The following ATF7IP2 variants were observed in gnomAD, a reference collection of about 807,000 sequenced individuals.
ATF7IP2 encodes activating transcription factor 7-interacting protein 2.
In ATF7IP2, 42 loss-of-function variants were observed where a neutral mutation model predicts 64.2. The observed-to-expected ratio is 0.65, with a 90% CI of 0.51 to 0.85. ATF7IP2 has a LOEUF of 0.85. ATF7IP2 is among the 40% of genes least tolerant of loss of function. The pLI is 0.00. For missense variants in ATF7IP2, 933 were observed against 784.2 expected (o/e 1.19, Z -2.27); for synonymous variants, 308 against 272.8 (o/e 1.13, Z -1.27).
rs1007003746 is a variant in ATF7IP2 at position 10,482,440 on chromosome 16, A to G, written c.*191A>G. 1.3e-4 allele frequency: 66 copies of G among 501,506 alleles called. No homozygotes were observed. The highest frequency in any genetic ancestry group is 1.1e-3 in the African/African-American group (54 of 50,916). The allele number at this position is 501,506 out of a possible 1,614,324, so 31.1% of individuals were successfully genotyped here. On this transcript the variant is annotated 3_prime_UTR_variant, in exon 14 of 14. Coordinates refer to ENST00000562102, the MANE Select transcript of ATF7IP2 (RefSeq NM_001393719.1). Reference sequence around the variant, plus strand: ...TGGTTTGTATTAAATATGTCCTTCCAATGGATAAGTTCTAAAACATACGCT... The same window carrying G: ...TGGTTTGTATTAAATATGTCCTTCCGATGGATAAGTTCTAAAACATACGCT...
intron 8 of ATF7IP2, among the ~76,000 whole-genome samples, chr16:10,456,626 G>A (rs1242057078): frequency 6.6e-6 from 1 of 152,146 alleles, no homozygotes; most frequent in Non-Finnish European, 1.5e-5. Flanking sequence ...TCAATCCCCA[G>A]TGCCATTGGG....
intron 9 of ATF7IP2, among the ~76,000 whole-genome samples, chr16:10,469,907 G>A (rs1038062668): frequency 6.2e-5 from 9 of 144,682 alleles, no homozygotes; most frequent in African/African-American, 1.6e-4. Context: ...AAAAAAAAAA[G>A]TCCATTCAGA....
intron 1 of ATF7IP2, among the ~76,000 whole-genome samples, chr16:10,408,158 C>T (rs954252811): frequency 6.6e-6 from 1 of 152,144 alleles, no homozygotes; most frequent in African/African-American, 2.4e-5. Context: ...GATCCACCTG[C>T]CTTGGCCTCC....
intron 3 of ATF7IP2, among the ~76,000 whole-genome samples, chr16:10,420,189 C>T (rs578225702): frequency 1.2e-4 from 19 of 152,162 alleles, no homozygotes; most frequent in Non-Finnish European, 2.1e-4. Flanking sequence ...TAGCCTGGGG[C>T]ATTGTCCATT....
chr16:10,423,924 A>T (rs892767620), intron 3 of ATF7IP2, among the ~76,000 whole-genome samples: 2 of 152,212 alleles, frequency 1.3e-5, no homozygotes, highest in African/African-American at 2.4e-5. Flanking sequence ...TTGTTCCGGC[A>T]CACGCATAGA....
At chr16:10,461,876 A>C (rs1423813541) in intron 9 of ATF7IP2, among the ~76,000 whole-genome samples, 1 of 152,128 alleles carries the variant, frequency 6.6e-6, no homozygotes, top group Non-Finnish European at 1.5e-5. Context: ...ATTATCTTTT[A>C]ATCAGAAAAA....
chr16:10,462,347 T>C (rs1217570168), intron 9 of ATF7IP2, among the ~76,000 whole-genome samples: 1 of 152,102 alleles, frequency 6.6e-6, no homozygotes, highest in African/African-American at 2.4e-5. Flanking sequence ...CATTTTTTTT[T>C]CCACAAGAAG....
At chr16:10,430,243 GT>G (rs895832276) in intron 4 of ATF7IP2, among the ~76,000 whole-genome samples, 5 of 152,020 alleles carry the variant, frequency 3.3e-5, no homozygotes, top group African/African-American at 9.6e-5. Flanking sequence ...ACTTTTTTTT[GT>G]TTTTATGAAT....
intron 8 of ATF7IP2, among the ~76,000 whole-genome samples, chr16:10,456,083 A>G (rs1321619577): frequency 1.3e-5 from 2 of 151,910 alleles, no homozygotes; most frequent in Non-Finnish European, 2.9e-5. Context: ...GGGTTCAATC[A>G]ATTCTCGTGC....
At chr16:10,474,247 T>A (rs2049920856) in intron 12 of ATF7IP2, among the ~76,000 whole-genome samples, 1 of 152,230 alleles carries the variant, frequency 6.6e-6, no homozygotes, top group Non-Finnish European at 1.5e-5. Flanking sequence ...CTATAATTGT[T>A]ATTTCACAAA....
chr16:10,467,132 T>C (rs926466763), intron 9 of ATF7IP2, among the ~76,000 whole-genome samples: 1 of 152,200 alleles, frequency 6.6e-6, no homozygotes. Flanking sequence ...GTAAGGCTCC[T>C]TCTACCTCTA....
intron 9 of ATF7IP2, among the ~76,000 whole-genome samples, chr16:10,468,050 T>G (rs1477905791): frequency 6.6e-6 from 1 of 151,638 alleles, no homozygotes; most frequent in Non-Finnish European, 1.5e-5. Flanking sequence ...CGACTAATTT[T>G]GTATTTTTTA....
intron 4 of ATF7IP2, among the ~76,000 whole-genome samples, chr16:10,429,459 G>T (rs1034662226): frequency 9.4e-4 from 143 of 152,118 alleles, no homozygotes; most frequent in African/African-American, 3.2e-3. Flanking sequence ...CAAGTGATTC[G>T]CTTGCCTCGG....
Position 10,472,785 on chromosome 16 carries a change from G to A in ATF7IP2, c.1426+602G>A, listed in dbSNP as rs556594406. On this transcript the variant is annotated intron_variant, in intron 10 of 13. Transcript: ENST00000562102. ...GCAGGAGAATTGCTTGAACCTTGGA[G>A]GCAGAGACTGCAGTGAGCTGAGATC... Among the ~76,000 whole-genome samples, 99 of 151,582 alleles carry A rather than the reference G, an allele frequency of 6.5e-4. 1 individual carries two copies. The highest frequency in any genetic ancestry group is 2.1e-3 in the African/African-American group (85 of 41,238).
intron 12 of ATF7IP2, among the ~76,000 whole-genome samples, chr16:10,478,127 T>C (rs888748624): frequency 6.2e-4 from 93 of 151,132 alleles, no homozygotes; most frequent in African/African-American, 2.3e-3. Context: ...TACCAATGAC[T>C]TTCTTCACAG....
chr16:10,421,841 G>T (rs952405111), intron 3 of ATF7IP2, among the ~76,000 whole-genome samples: 2 of 152,236 alleles, frequency 1.3e-5, no homozygotes, highest in African/African-American at 4.8e-5. Flanking sequence ...ACTTTCCAGT[G>T]AAAATGCTTA....
At chr16:10,455,397 C>A (rs997172995) in intron 8 of ATF7IP2, among the ~76,000 whole-genome samples, 4 of 152,180 alleles carry the variant, frequency 2.6e-5, no homozygotes, top group Admixed American at 2.6e-4. Context: ...ACGCAGGCAG[C>A]CTCCAGAAGG....
intron 3 of ATF7IP2, among the ~76,000 whole-genome samples, chr16:10,423,338 C>G (rs1363139845): frequency 2.0e-5 from 3 of 152,178 alleles, no homozygotes; most frequent in Non-Finnish European, 4.4e-5. Context: ...CTTGAACAGT[C>G]CTGTTACAAA....
At chr16:10,477,634 G>C (rs1269418876) in intron 12 of ATF7IP2, among the ~76,000 whole-genome samples, 2 of 151,972 alleles carry the variant, frequency 1.3e-5, no homozygotes, top group African/African-American at 4.8e-5. Context: ...ACATAGTGTT[G>C]GAAGTTCTGG....
Sources: allele counts gnomAD v4.1 joint callset (sites outside exome capture counted in the v4.1 genomes callset), GRCh38; gene constraint gnomAD v4.1.1; transcripts MANE v1.5; gene names NCBI Gene and HGNC (gene_info 2026-07-23, HGNC 2026-07-21).